Variants in PAG1 observed in about 807,000 individuals in gnomAD.
PAG1 encodes the protein phosphoprotein associated with glycosphingolipid-enriched microdomains 1.
Under a neutral mutation model 31.7 loss-of-function variants are expected in PAG1, and 23 were observed. That is an observed-to-expected ratio of 0.73 (90% CI 0.52 to 1.03). The LOEUF is 1.03. Ranked by LOEUF, PAG1 falls within the 50% of genes least tolerant of loss-of-function variation. The pLI is 0.00. For synonymous variants in PAG1, 214 were observed against 210.3 expected (o/e 1.02, Z -0.15); for missense variants, 473 against 540.7 (o/e 0.87, Z 1.24).
At chr8:81,055,065 CT>C (rs1249173701) in intron 2 of PAG1, among the ~76,000 whole-genome samples, 9 of 142,540 alleles carry the variant, frequency 6.3e-5, no homozygotes, top group Admixed American at 2.0e-4. Flanking sequence ...GAATTAATTT[CT>C]TTTTTTTTCT....
At position 81,032,499 on chromosome 8, in the gene PAG1, C is replaced by A. The variant is rs1808392495; in HGVS notation, c.-174-2410G>T. On this transcript the variant is annotated intron_variant, in intron 2 of 8. Transcript: ENST00000220597. Reference sequence around the variant, plus strand: ...AAGTAGCCATCAACAAAGTGCAAATCAACCACAATGAGATACCACTTCATA... The same window carrying A: ...AAGTAGCCATCAACAAAGTGCAAATAAACCACAATGAGATACCACTTCATA... Among the ~76,000 whole-genome samples the A allele has an allele frequency of 2.6e-5, 4 of 152,282 alleles. No individual in the cohort carries two copies. The South Asian group carries it at 8.3e-4, about 32-fold the overall frequency.
At chr8:80,986,252 CT>C (rs1321474547) in intron 6 of PAG1, among the ~76,000 whole-genome samples, 1 of 152,170 alleles carries the variant, frequency 6.6e-6, no homozygotes, top group East Asian at 1.9e-4. Context: ...ACCAACACCC[CT>C]GTGTGTTCTA....
chr8:81,059,335 C>T (rs1808880804), intron 2 of PAG1, among the ~76,000 whole-genome samples: 3 of 150,736 alleles, frequency 2.0e-5, no homozygotes, highest in African/African-American at 7.3e-5. Context: ...GGATGTGGAA[C>T]CCAGAGATAC....
In PAG1 at chr8:80,976,303, G is replaced by T. The variant is rs1239122529; in HGVS notation, c.*241C>A. 5 of 463,166 alleles carry T rather than the reference G, an allele frequency of 1.1e-5. No individual in the cohort carries two copies. Among genetic ancestry groups the T allele is most frequent in the Non-Finnish European group, 1.9e-5 (5 of 260,222 alleles). 28.7% of individuals were successfully genotyped at this position (463,166 alleles called of 1,614,324 possible). A position where few individuals can be genotyped will look rare whatever the true frequency, so the allele number is the denominator to read the frequency against. On this transcript the variant is annotated 3_prime_UTR_variant, in exon 9 of 9. Transcript: ENST00000220597. ...TTTGTGGGTGGTGAGGGTGCAGCAG[G>T]GAGATGTGCTTGGGTGTACCTGTCC...
chr8:81,059,759 C>T (rs1165803769), intron 2 of PAG1, among the ~76,000 whole-genome samples: 3 of 152,138 alleles, frequency 2.0e-5, no homozygotes, highest in Admixed American at 2.0e-4. Flanking sequence ...GGTGTTGTGG[C>T]TCATGCCTGT....
At chr8:81,053,595 A>G (rs1808767363) in intron 2 of PAG1, among the ~76,000 whole-genome samples, 1 of 152,232 alleles carries the variant, frequency 6.6e-6, no homozygotes, top group Non-Finnish European at 1.5e-5. Context: ...TACTGTCTTC[A>G]AAAAGTGTAT....
intron 2 of PAG1, among the ~76,000 whole-genome samples, chr8:81,061,581 G>T (rs1043059191): frequency 6.6e-6 from 1 of 152,184 alleles, no homozygotes; most frequent in South Asian, 2.1e-4. Flanking sequence ...AGGCACAGGG[G>T]TAGGTCCAAA....
At chr8:81,055,102 G>T (rs1049161028) in intron 2 of PAG1, among the ~76,000 whole-genome samples, 1 of 149,736 alleles carries the variant, frequency 6.7e-6, no homozygotes, top group African/African-American at 2.5e-5. Context: ...TTGACACAGG[G>T]TCTTGCTCTG....
At chr8:80,982,674 T>A (rs147950743) in intron 7 of PAG1, among the ~76,000 whole-genome samples, 27 of 152,330 alleles carry the variant, frequency 1.8e-4, no homozygotes, top group African/African-American at 6.0e-4. Context: ...AAGTTGAACG[T>A]ACCCAACACT....
chr8:81,051,296 A>C (rs941945026), intron 2 of PAG1, among the ~76,000 whole-genome samples: 2 of 152,254 alleles, frequency 1.3e-5, no homozygotes, highest in Non-Finnish European at 2.9e-5. Context: ...AATCACAGGC[A>C]GGTGCCCTTT....
intron 1 of PAG1, among the ~76,000 whole-genome samples, chr8:81,095,741 A>G (rs574871001): frequency 3.7e-4 from 57 of 152,224 alleles, no homozygotes; most frequent in Non-Finnish European, 6.2e-4. Flanking sequence ...TAGGTACTCA[A>G]TAAATGTATG....
intron 8 of PAG1, among the ~76,000 whole-genome samples, chr8:80,977,201 G>A (rs1807204620): frequency 1.3e-5 from 2 of 152,204 alleles, no homozygotes; most frequent in African/African-American, 4.8e-5. Context: ...GAAGGCCCCG[G>A]GGACCTGACC....
At position 80,975,577 on chromosome 8, in the gene PAG1, C is replaced by T. The variant is rs187419511; in HGVS notation, c.*967G>A. On this transcript the variant is annotated 3_prime_UTR_variant, in exon 9 of 9. Coordinates refer to ENST00000220597, the MANE Select transcript of PAG1 (RefSeq NM_018440.4). ...ACACTGTTGGTGTGGGCAGCGGAGA[C>T]CATGGGAAATACACATTCATGTCCA... 2 of 152,254 alleles carry T rather than the reference C, an allele frequency of 1.3e-5. No individual in the cohort carries two copies. The highest frequency in any genetic ancestry group is 1.3e-4 in the Admixed American group (2 of 15,298). The allele number at this position is 152,254 out of a possible 1,614,324, so 9.4% of individuals were successfully genotyped here. A position where few individuals can be genotyped will look rare whatever the true frequency, so the allele number is the denominator to read the frequency against.
At chr8:81,089,217 G>T (rs1038923740) in intron 1 of PAG1, among the ~76,000 whole-genome samples, 43 of 152,262 alleles carry the variant, frequency 2.8e-4, no homozygotes, top group African/African-American at 9.9e-4. Flanking sequence ...AAATACAGGG[G>T]GCACTGTGGA....
chr8:80,979,132 A>C (rs1034380845), intron 8 of PAG1, among the ~76,000 whole-genome samples: 1 of 152,372 alleles, frequency 6.6e-6, no homozygotes, highest in Non-Finnish European at 1.5e-5. Flanking sequence ...TAGTTCTGTC[A>C]TGTTAAAAAT....
chr8:81,060,678 T>A lies in PAG1; in HGVS notation c.-175+9434A>T, dbSNP rs146754200. Among the ~76,000 whole-genome samples the A allele has an allele frequency of 1.4e-4, 22 of 152,310 alleles. No individual in the cohort carries two copies. The East Asian group carries it at 3.9e-3, about 27-fold the overall frequency. On this transcript the variant is annotated intron_variant, in intron 2 of 8. Coordinates refer to ENST00000220597, the MANE Select transcript of PAG1 (RefSeq NM_018440.4). ...TGGCCAGAACTAGTTTGGAATACCTTCTCTATATTATTGAAAATCAATGAG... is the reference window on the plus strand; with the variant it reads ...TGGCCAGAACTAGTTTGGAATACCTACTCTATATTATTGAAAATCAATGAG...
chr8:81,000,786 T>A (rs1807771357), intron 3 of PAG1, among the ~76,000 whole-genome samples: 2 of 152,150 alleles, frequency 1.3e-5, no homozygotes, highest in South Asian at 4.1e-4. Context: ...CCATCTGGCT[T>A]CTCTGTATTG....
intron 1 of PAG1, among the ~76,000 whole-genome samples, chr8:81,088,436 AG>A (rs1401643841): frequency 2.0e-5 from 3 of 152,116 alleles, no homozygotes; most frequent in African/African-American, 4.8e-5. Context: ...TGTTATAGTT[AG>A]GGGGTTAGGG....
In PAG1 at chr8:80,968,588, C is replaced by T. The variant is rs1288128069; in HGVS notation, c.*7956G>A. On this transcript the variant is annotated 3_prime_UTR_variant, in exon 9 of 9. Coordinates refer to ENST00000220597, the MANE Select transcript of PAG1 (RefSeq NM_018440.4). Reference sequence around the variant, plus strand: ...GGATGGATGGTAGATGGATGCTACACTCTTCTAGAAAGTGCTTATGGAAAT... The same window carrying T: ...GGATGGATGGTAGATGGATGCTACATTCTTCTAGAAAGTGCTTATGGAAAT... 6.6e-6 allele frequency: 1 copy of T among 152,196 alleles called. No homozygotes were observed. The highest frequency in any genetic ancestry group is 1.5e-5 in the Non-Finnish European group (1 of 68,028). 9.4% of individuals were successfully genotyped at this position (152,196 alleles called of 1,614,324 possible). A position where few individuals can be genotyped will look rare whatever the true frequency, so the allele number is the denominator to read the frequency against.
Sources: allele counts gnomAD v4.1 joint callset (sites outside exome capture counted in the v4.1 genomes callset), GRCh38; gene constraint gnomAD v4.1.1; transcripts MANE v1.5; gene names NCBI Gene and HGNC (gene_info 2026-07-23, HGNC 2026-07-21).